Variants in SH3PXD2B observed in about 807,000 individuals in gnomAD.
SH3PXD2B encodes SH3 and PX domain-containing protein 2B.
Under a neutral mutation model 73.1 loss-of-function variants are expected in SH3PXD2B, and 37 were observed. That is an observed-to-expected ratio of 0.51 (90% CI 0.39 to 0.67). The LOEUF (loss-of-function observed/expected upper bound fraction) is 0.67, where lower values mean the gene tolerates loss of function less well. Ranked by LOEUF, SH3PXD2B falls within the 30% of genes least tolerant of loss-of-function variation. The pLI is 0.00. For synonymous variants in SH3PXD2B, 457 were observed against 480.5 expected (o/e 0.95, Z 0.64); for missense variants, 1,053 against 1,197.8 (o/e 0.88, Z 1.78).
At chr5:172,423,681 T>C (rs761902969) in intron 1 of SH3PXD2B, among the ~76,000 whole-genome samples, 5 of 152,098 alleles carry the variant, frequency 3.3e-5, no homozygotes, top group Admixed American at 6.5e-5. Flanking sequence ...AGAGGGAGTC[T>C]AGCTCTGTCA....
At chr5:172,364,581 C>T (rs1045932024) in intron 6 of SH3PXD2B, among the ~76,000 whole-genome samples, 22 of 152,286 alleles carry the variant, frequency 1.4e-4, no homozygotes, top group Non-Finnish European at 2.9e-4. Flanking sequence ...ATGAGAATCG[C>T]TTGAACCCGG....
downstream of SH3PXD2B, among the ~76,000 whole-genome samples, chr5:172,333,280 G>T (rs142443325): frequency 5.5e-4 from 84 of 152,202 alleles, no homozygotes; most frequent in East Asian, 0.013. Context: ...CCGGCAAGAG[G>T]TTCACCATCC....
chr5:172,365,018 A>G (rs1581277270), intron 6 of SH3PXD2B, among the ~76,000 whole-genome samples: 2 of 152,296 alleles, frequency 1.3e-5, no homozygotes, highest in South Asian at 2.1e-4. Context: ...AGCTGGGTGA[A>G]GGGTACTGCT....
chr5:172,352,712 G>A (rs1757183251), intron 9 of SH3PXD2B, among the ~76,000 whole-genome samples: 1 of 152,062 alleles, frequency 6.6e-6, no homozygotes, highest in Non-Finnish European at 1.5e-5. Context: ...GATTTATCAG[G>A]GGTTTCCACT....
chr5:172,440,851 A>G (rs138387798), intron 1 of SH3PXD2B, among the ~76,000 whole-genome samples: 1 of 152,266 alleles, frequency 6.6e-6, no homozygotes, highest in African/African-American at 2.4e-5. Context: ...GGGGTCCTAG[A>G]GAAGCTAGTT....
chr5:172,452,982 C>T (rs925245655), intron 1 of SH3PXD2B, among the ~76,000 whole-genome samples: 1 of 152,162 alleles, frequency 6.6e-6, no homozygotes, highest in African/African-American at 2.4e-5. Flanking sequence ...TAACTGGCTG[C>T]CCAGCCAATA....
chr5:172,381,079 AG>A (rs1357455969), intron 5 of SH3PXD2B, among the ~76,000 whole-genome samples: 1 of 152,260 alleles, frequency 6.6e-6, no homozygotes, highest in Non-Finnish European at 1.5e-5. Context: ...CATTTCCAAA[AG>A]GGAGCATGTG....
intron 1 of SH3PXD2B, among the ~76,000 whole-genome samples, chr5:172,433,288 G>T (rs79856148): frequency 6.6e-6 from 1 of 152,106 alleles, no homozygotes. Flanking sequence ...TGATATTCAC[G>T]TGATGAAACT....
chr5:172,369,246 T>G (rs1029476833), intron 6 of SH3PXD2B, among the ~76,000 whole-genome samples: 2 of 151,754 alleles, frequency 1.3e-5, no homozygotes, highest in African/African-American at 4.8e-5. Context: ...TGTTTTGTTT[T>G]TTTTTTAAAT....
intron 3 of SH3PXD2B, among the ~76,000 whole-genome samples, chr5:172,395,545 C>A (rs185878301): frequency 8.5e-4 from 129 of 152,278 alleles, no homozygotes; most frequent in Admixed American, 3.1e-3. Flanking sequence ...CATGATGCCA[C>A]TGAAGATCTC....
chr5:172,358,037 T>C (rs1453480569), intron 8 of SH3PXD2B, among the ~76,000 whole-genome samples: 1 of 151,886 alleles, frequency 6.6e-6, no homozygotes, highest in African/African-American at 2.4e-5. Context: ...TCCTATGATA[T>C]AGATATCATT....
Position 172,333,564 on chromosome 5 carries a change from C to A in SH3PXD2B, c.*4805G>T. 1 of 1,172,698 alleles carries A rather than the reference C, an allele frequency of 8.5e-7. No individual in the cohort carries two copies. The highest frequency in any genetic ancestry group is 1.1e-6 in the Non-Finnish European group (1 of 936,830). 72.6% of individuals were successfully genotyped at this position (1,172,698 alleles called of 1,614,324 possible). A position where few individuals can be genotyped will look rare whatever the true frequency, so the allele number is the denominator to read the frequency against. On this transcript the variant is annotated 3_prime_UTR_variant, in exon 13 of 13. Transcript: ENST00000311601. ...TTAAAAAAAAAAAAAGGAAAGAAGT[C>A]AAATGGTAAAGTATATAGCCTACAC... is the stretch of plus-strand genomic sequence containing the variant.
chr5:172,422,358 G>T, intron 2 of SH3PXD2B, 58 bp downstream of exon 2: 1 of 1,445,396 alleles, frequency 6.9e-7, no homozygotes, highest in Non-Finnish European at 9.5e-7. Context: ...GTAGTGGAAT[G>T]TAAGTCCAAT....
At chr5:172,427,831 G>A (rs572988120) in intron 1 of SH3PXD2B, among the ~76,000 whole-genome samples, 3 of 150,718 alleles carry the variant, frequency 2.0e-5, no homozygotes, top group Admixed American at 2.0e-4. Flanking sequence ...AGGCTGGAGT[G>A]CAGTGGGGTG....
chr5:172,426,675 C>T (rs1457550548), intron 1 of SH3PXD2B, among the ~76,000 whole-genome samples: 1 of 152,196 alleles, frequency 6.6e-6, no homozygotes, highest in Non-Finnish European at 1.5e-5. Context: ...GGGATGGGCA[C>T]AAGACGGATG....
At chr5:172,345,887 T>C (rs1756986820) in intron 12 of SH3PXD2B, among the ~76,000 whole-genome samples, 1 of 152,158 alleles carries the variant, frequency 6.6e-6, no homozygotes, top group South Asian at 2.1e-4. Flanking sequence ...AGGGTGGCTG[T>C]TGATGGGTAA....
chr5:172,392,733 C>T (rs746956865), intron 4 of SH3PXD2B, among the ~76,000 whole-genome samples: 4 of 152,222 alleles, frequency 2.6e-5, no homozygotes, highest in Non-Finnish European at 5.9e-5. Flanking sequence ...TGTAGTGAGC[C>T]GAGATGGCGC....
intron 5 of SH3PXD2B, among the ~76,000 whole-genome samples, chr5:172,380,831 C>T (rs1178583211): frequency 6.6e-6 from 1 of 152,212 alleles, no homozygotes; most frequent in Non-Finnish European, 1.5e-5. Flanking sequence ...TTACTCGCTC[C>T]GTGCTCGTCA....
At chr5:172,423,770 G>A (rs1010829848) in intron 1 of SH3PXD2B, among the ~76,000 whole-genome samples, 2 of 152,126 alleles carry the variant, frequency 1.3e-5, no homozygotes, top group African/African-American at 4.8e-5. Context: ...AGCCTCCCGA[G>A]TAGCTAGGAT....
Sources: gnomAD v4.1 joint callset for allele counts (sites outside exome capture counted in the v4.1 genomes callset) on GRCh38, gnomAD v4.1.1 for gene constraint, MANE v1.5 for transcripts, NCBI Gene and HGNC (gene_info 2026-07-23, HGNC 2026-07-21) for gene names.